Variants in PDILT observed in about 807,000 individuals in gnomAD.
PDILT encodes the protein protein disulfide isomerase like, testis expressed.
In PDILT, 43 loss-of-function variants were observed where a neutral mutation model predicts 53.7. The ratio of observed to expected loss-of-function variants is 0.80; its 90% CI spans 0.63 to 1.03. PDILT has a LOEUF of 1.03. PDILT is among the 50% of genes least tolerant of loss of function. PDILT has a pLI of 0.00. For missense variants in PDILT, 727 were observed against 712.3 expected (o/e 1.02, Z -0.24); for synonymous variants, 282 against 274.2 (o/e 1.03, Z -0.28).
intron 3 of PDILT, among the ~76,000 whole-genome samples, chr16:20,377,960 GAAAA>G (rs922680091): frequency 7.5e-6 from 1 of 134,182 alleles, no homozygotes; most frequent in Non-Finnish European, 1.6e-5. Flanking sequence ...TCTTTAAAAA[GAAAA>G]AAAAAAAGAA....
intron 1 of PDILT, among the ~76,000 whole-genome samples, chr16:20,399,749 C>A (rs1363599897): frequency 1.3e-5 from 2 of 148,748 alleles, no homozygotes; most frequent in African/African-American, 4.9e-5. Context: ...CCAGCTCCTG[C>A]TTGAATGCCC....
chr16:20,384,575 C>T, intron 3 of PDILT, 70 bp downstream of exon 3: 1 of 1,584,410 alleles, frequency 6.3e-7, no homozygotes, highest in Non-Finnish European at 8.6e-7. Flanking sequence ...GAGCCTCCCA[C>T]CTTTACCCTA....
chr16:20,367,090 T>TCTTTCTTTCTTC (rs1419400897), intron 8 of PDILT, among the ~76,000 whole-genome samples: 12 of 91,544 alleles, frequency 1.3e-4, no homozygotes, highest in African/African-American at 4.0e-4. Context: ...TTTCTTTCTT[T>TCTTTCTTTCTTC]CTTTCTTTCT....
chr16:20,362,889 T>G (rs1409589220), intron 9 of PDILT, among the ~76,000 whole-genome samples: 1 of 151,726 alleles, frequency 6.6e-6, no homozygotes, highest in Non-Finnish European at 1.5e-5. Context: ...CTGACCAACA[T>G]GGTGAAATCC....
chr16:20,392,567 C>T (rs1412101781), intron 2 of PDILT, among the ~76,000 whole-genome samples: 1 of 152,130 alleles, frequency 6.6e-6, no homozygotes, highest in East Asian at 1.9e-4. Flanking sequence ...TTTGTTTTTC[C>T]AAAGGCCACT....
chr16:20,402,892 T>A (rs1966761431), intron 1 of PDILT, among the ~76,000 whole-genome samples: 1 of 152,148 alleles, frequency 6.6e-6, no homozygotes, highest in Non-Finnish European at 1.5e-5. Context: ...CTCTCAGCCT[T>A]GGCCCTTGGT....
intron 7 of PDILT, among the ~76,000 whole-genome samples, chr16:20,370,179 T>C (rs1228034260): frequency 1.3e-5 from 2 of 152,234 alleles, no homozygotes; most frequent in Non-Finnish European, 2.9e-5. Context: ...CAAACATTCA[T>C]GGAGTGTCTA....
chr16:20,364,956 T>G (rs1966168520), intron 9 of PDILT, among the ~76,000 whole-genome samples: 2 of 152,190 alleles, frequency 1.3e-5, no homozygotes, highest in Admixed American at 1.3e-4. Flanking sequence ...TAAGTTCAAA[T>G]CCCAGTTCCG....
intron 3 of PDILT, among the ~76,000 whole-genome samples, chr16:20,376,432 C>T (rs1366519897): frequency 1.3e-5 from 2 of 152,158 alleles, no homozygotes; most frequent in Non-Finnish European, 2.9e-5. Context: ...CTGTGCTGAA[C>T]GTTTTGCATA....
chr16:20,397,557 G>T (rs568707608), intron 2 of PDILT, among the ~76,000 whole-genome samples: 1 of 152,200 alleles, frequency 6.6e-6, no homozygotes, highest in Non-Finnish European at 1.5e-5. Context: ...GCCTTTGAAC[G>T]TAGGACTGTG....
intron 2 of PDILT, among the ~76,000 whole-genome samples, chr16:20,392,951 C>A (rs1167736644): frequency 6.6e-6 from 1 of 152,186 alleles, no homozygotes; most frequent in East Asian, 1.9e-4. Flanking sequence ...TATCCATCCA[C>A]TGCACCATTT....
intron 8 of PDILT, among the ~76,000 whole-genome samples, chr16:20,368,086 C>T (rs577061588): frequency 1.3e-5 from 2 of 152,096 alleles, no homozygotes; most frequent in African/African-American, 4.8e-5. Flanking sequence ...GGAATCGTAG[C>T]CATGTGTGTC....
intron 11 of PDILT, 42 bp downstream of exon 11, chr16:20,360,526 G>C (rs780062691): frequency 6.6e-7 from 1 of 1,505,552 alleles, no homozygotes; most frequent in Non-Finnish European, 9.2e-7. Flanking sequence ...TAGGGATTCT[G>C]TGTGGGACAG....
rs1191219964 is a variant in PDILT at position 20,369,647 on chromosome 16, G to A, written c.961C>T (p.Arg321Cys). Residue 321 changes from arginine (R) to cysteine (C), a missense_variant, in exon 8 of 12, where the codon CGT (arginine) becomes TGT (cysteine). Arg to Cys is a radical substitution (Grantham distance 180). Transcript: ENST00000302451. ...LVDADEPRNG[R>C]VFKYFRVTEV... is the part of the protein sequence containing the mutation. ...GTGACCCGGAAGTACTTGAAGACAC[G>A]TCCATTTCTGGGTTCGTCTGCATCC... The A allele has an allele frequency of 6.2e-6, 10 of 1,614,036 alleles. No homozygotes were observed. Among genetic ancestry groups the A allele is most frequent in the Middle Eastern group, 1.6e-4 (1 of 6,084 alleles).
At chr16:20,367,079 CTTTCTTTCTTTCTT>C (rs1966221113) in intron 8 of PDILT, among the ~76,000 whole-genome samples, 3 of 120,186 alleles carry the variant, frequency 2.5e-5, no homozygotes, top group African/African-American at 1.0e-4. Context: ...TTCTTTCTTT[CTTTCTTTCTTTCTT>C]TCTTTCTTTC....
chr16:20,391,340 A>C (rs1596595906), intron 2 of PDILT, among the ~76,000 whole-genome samples: 1 of 151,858 alleles, frequency 6.6e-6, no homozygotes, highest in Admixed American at 6.6e-5. Context: ...CATTACCATC[A>C]CCATCATCAC....
intron 7 of PDILT, among the ~76,000 whole-genome samples, chr16:20,370,087 CTTA>C (rs752794301): frequency 6.6e-6 from 1 of 152,148 alleles, no homozygotes; most frequent in Non-Finnish European, 1.5e-5. Context: ...CATGACAATT[CTTA>C]TTATTTTTTA....
intron 2 of PDILT, among the ~76,000 whole-genome samples, chr16:20,396,019 G>A (rs1596598366): frequency 6.6e-6 from 1 of 152,298 alleles, no homozygotes; most frequent in East Asian, 1.9e-4. Context: ...ATCACCATTA[G>A]CAGATTCTTA....
At chr16:20,403,430 C>T (rs978524565) in intron 1 of PDILT, among the ~76,000 whole-genome samples, 15 of 152,118 alleles carry the variant, frequency 9.9e-5, no homozygotes, top group South Asian at 2.1e-4. Flanking sequence ...GCTGGGACTA[C>T]AGGCACCCGC....
Sources: gnomAD v4.1 joint callset for allele counts (sites outside exome capture counted in the v4.1 genomes callset) on GRCh38, gnomAD v4.1.1 for gene constraint, MANE v1.5 for transcripts, NCBI Gene and HGNC (gene_info 2026-07-23, HGNC 2026-07-21) for gene names.